MAGI2: variants seen among roughly 807,000 people sequenced by gnomAD.
The protein encoded by MAGI2 is membrane-associated guanylate kinase, WW and PDZ domain-containing protein 2.
MAGI2 carries 35 observed loss-of-function variants against 133.3 expected under a neutral mutation model. The ratio of observed to expected loss-of-function variants is 0.26; its 90% CI spans 0.20 to 0.35. MAGI2 has a LOEUF of 0.35. Among genes scored for constraint, MAGI2 ranks in the 10% least tolerant of loss-of-function variants. MAGI2 has a pLI of 1.00. For missense variants in MAGI2, 1,636 were observed against 1,863.4 expected (o/e 0.88, Z 2.25); for synonymous variants, 729 against 710.6 (o/e 1.03, Z -0.41).
chr7:78,119,468 G>A (rs1231703905), intron 20 of MAGI2, among the ~76,000 whole-genome samples: 1 of 147,280 alleles, frequency 6.8e-6, no homozygotes, highest in African/African-American at 2.5e-5. Flanking sequence ...GGCTGAGGCA[G>A]GAGAATTGCT....
At chr7:78,432,876 G>A (rs555952279) in intron 6 of MAGI2, among the ~76,000 whole-genome samples, 1 of 151,790 alleles carries the variant, frequency 6.6e-6, no homozygotes, top group East Asian at 1.9e-4. Context: ...CTAGCCAGGG[G>A]GTAAAGTATA....
intron 2 of MAGI2, among the ~76,000 whole-genome samples, chr7:78,935,126 C>T (rs1478535574): frequency 6.6e-6 from 1 of 152,140 alleles, no homozygotes; most frequent in African/African-American, 2.4e-5. Flanking sequence ...GTTGAATTTT[C>T]TCCAGAATAA....
At chr7:78,375,495 C>T (rs982520013) in intron 6 of MAGI2, among the ~76,000 whole-genome samples, 1 of 152,028 alleles carries the variant, frequency 6.6e-6, no homozygotes, top group Non-Finnish European at 1.5e-5. Flanking sequence ...ATGCAATGTA[C>T]TAAGATATCA....
chr7:78,889,386 A>T (rs2151564316), intron 2 of MAGI2, among the ~76,000 whole-genome samples: 2 of 152,308 alleles, frequency 1.3e-5, no homozygotes, highest in South Asian at 4.1e-4. Context: ...GAATGCCACA[A>T]AGATACTCCT....
At chr7:78,085,658 C>A (rs891373164) in intron 20 of MAGI2, among the ~76,000 whole-genome samples, 1 of 151,174 alleles carries the variant, frequency 6.6e-6, no homozygotes, top group Non-Finnish European at 1.5e-5. Context: ...GTGAAATGAC[C>A]CTTATGGATG....
At chr7:78,519,481 T>A (rs1228464099) in intron 4 of MAGI2, among the ~76,000 whole-genome samples, 4 of 152,136 alleles carry the variant, frequency 2.6e-5, no homozygotes, top group African/African-American at 9.7e-5. Flanking sequence ...CTTGAAAACC[T>A]AGAGTTGGCT....
chr7:79,035,278 G>C (rs1032649296), intron 1 of MAGI2, among the ~76,000 whole-genome samples: 4 of 151,996 alleles, frequency 2.6e-5, no homozygotes, highest in African/African-American at 9.6e-5. Context: ...TTGAAATATT[G>C]TTCTATTGTT....
chr7:78,923,215 A>T (rs997105398), intron 2 of MAGI2, among the ~76,000 whole-genome samples: 10 of 152,222 alleles, frequency 6.6e-5, no homozygotes, highest in African/African-American at 2.2e-4. Context: ...CCATTTGTCA[A>T]TTTTGGCTTT....
chr7:78,969,277 C>T (rs1172239357), intron 2 of MAGI2, among the ~76,000 whole-genome samples: 1 of 152,016 alleles, frequency 6.6e-6, no homozygotes, highest in Admixed American at 6.6e-5. Context: ...TCCCCTGGGC[C>T]TTATGTAAAT....
chr7:78,518,822 T>A (rs1796254467), intron 4 of MAGI2: 1 of 152,094 alleles, frequency 6.6e-6, no homozygotes, highest in South Asian at 2.1e-4. Context: ...AACCTTGACC[T>A]CCTCGGGCTC....
At chr7:78,178,347 G>A (rs1025001667) in intron 13 of MAGI2, among the ~76,000 whole-genome samples, 2 of 152,164 alleles carry the variant, frequency 1.3e-5, no homozygotes, top group East Asian at 3.8e-4. Flanking sequence ...GAAGCAGAAA[G>A]AGTACATGAA....
rs571567558 is a variant in MAGI2 at position 78,396,936 on chromosome 7, T to A, written c.1046-27723A>T. Among the ~76,000 whole-genome samples, 4 of 152,278 alleles carry A rather than the reference T, an allele frequency of 2.6e-5. No individual in the cohort carries two copies. The East Asian group carries it at 7.7e-4, about 29-fold the overall frequency. ...CCTAAATAAATCATGCATATTTTCA[T>A]TTAGCTTCCTAGTTGGAAATTTAGC... On this transcript the variant is annotated intron_variant, in intron 6 of 21. Coordinates refer to ENST00000354212, the MANE Select transcript of MAGI2 (RefSeq NM_012301.4).
chr7:78,959,834 C>T (rs1802697994), intron 2 of MAGI2, among the ~76,000 whole-genome samples: 1 of 152,138 alleles, frequency 6.6e-6, no homozygotes, highest in African/African-American at 2.4e-5. Flanking sequence ...CACCGGCAAA[C>T]ACGGATGTGA....
chr7:78,503,866 A>G (rs1794861067), intron 4 of MAGI2, among the ~76,000 whole-genome samples: 1 of 151,576 alleles, frequency 6.6e-6, no homozygotes, highest in Non-Finnish European at 1.5e-5. Context: ...TTCCACCATG[A>G]TTGTAAGTTT....
chr7:78,780,853 A>G (rs553653355), intron 2 of MAGI2, among the ~76,000 whole-genome samples: 7 of 152,348 alleles, frequency 4.6e-5, no homozygotes, highest in Non-Finnish European at 7.3e-5. Context: ...TAAAAGTGAC[A>G]TAACTGCTGG....
chr7:78,699,764 C>T (rs951944409), intron 2 of MAGI2, among the ~76,000 whole-genome samples: 8 of 152,106 alleles, frequency 5.3e-5, no homozygotes. Context: ...ACTTTGGCAT[C>T]TATTTGTGAA....
intron 2 of MAGI2, among the ~76,000 whole-genome samples, chr7:78,760,567 T>A (rs1349305705): frequency 1.3e-5 from 2 of 152,158 alleles, no homozygotes; most frequent in African/African-American, 2.4e-5. Context: ...TCCTTCTCTA[T>A]CTTAGCTAAC....
chr7:78,297,600 C>T (rs1253067390), intron 9 of MAGI2, among the ~76,000 whole-genome samples: 1 of 150,720 alleles, frequency 6.6e-6, no homozygotes, highest in East Asian at 1.9e-4. Context: ...CAATGATAGA[C>T]TGGATTAAGA....
chr7:78,453,966 C>A (rs1384821355), intron 6 of MAGI2, among the ~76,000 whole-genome samples: 1 of 151,922 alleles, frequency 6.6e-6, no homozygotes, highest in Non-Finnish European at 1.5e-5. Flanking sequence ...TACATGTATA[C>A]AAGTATAATG....
Sources: gnomAD v4.1 joint callset for allele counts (sites outside exome capture counted in the v4.1 genomes callset) on GRCh38, gnomAD v4.1.1 for gene constraint, MANE v1.5 for transcripts, NCBI Gene and HGNC (gene_info 2026-07-23, HGNC 2026-07-21) for gene names.